Variants in PLA2G4E observed in about 807,000 individuals in gnomAD.
PLA2G4E encodes the protein phospholipase A2 group IVE, also known as cytosolic phospholipase A2 epsilon.
Under a neutral mutation model 109.1 loss-of-function variants are expected in PLA2G4E, and 84 were observed. The observed-to-expected ratio is 0.77, with a 90% CI of 0.65 to 0.92. The LOEUF is 0.92. PLA2G4E is among the 40% of genes least tolerant of loss of function. PLA2G4E has a pLI of 0.00. For missense variants in PLA2G4E, 1,057 were observed against 1,076.6 expected (o/e 0.98, Z 0.25); for synonymous variants, 469 against 436.1 (o/e 1.08, Z -0.94).
intron 1 of PLA2G4E, among the ~76,000 whole-genome samples, chr15:42,033,785 G>A (rs1049660939): frequency 2.0e-4 from 30 of 152,194 alleles, no homozygotes; most frequent in African/African-American, 6.8e-4. Context: ...GCCTGTGAAA[G>A]CAGCCCCTGG....
At chr15:41,988,405 A>G (rs1039472164) in intron 15 of PLA2G4E, among the ~76,000 whole-genome samples, 7 of 152,210 alleles carry the variant, frequency 4.6e-5, no homozygotes, top group African/African-American at 1.7e-4. Flanking sequence ...TATAAGGCAC[A>G]GCCCCGGCAG....
exon 15 of PLA2G4E, chr15:41,989,498 A>T: frequency 6.2e-7 from 1 of 1,613,918 alleles, no homozygotes; most frequent in Non-Finnish European, 8.5e-7. Flanking sequence ...CTCGGAGGGG[A>T]TGAAGGCCCC....
chr15:41,995,449 C>T, exon 12 of PLA2G4E: 1 of 1,613,974 alleles, frequency 6.2e-7, no homozygotes, highest in Non-Finnish European at 8.5e-7. Context: ...ACATGGAGGT[C>T]ATGGATCTTG....
chr15:41,989,607 C>T (rs1704352), intron 14 of PLA2G4E, 55 bp from the exon 15 acceptor site: 149,703 of 1,558,618 alleles, frequency 0.096, 8,608 homozygotes, highest in African/African-American at 0.26. Context: ...GCCGTCCACA[C>T]AGCCGGGCCC....
chr15:41,997,418 A>G (rs1365760319), intron 10 of PLA2G4E, 159 bp from the exon 11 acceptor site: 1 of 758,624 alleles, frequency 1.3e-6, no homozygotes, highest in Admixed American at 3.4e-5. Flanking sequence ...AGTGGGGCGA[A>G]TCGTGCTGAA....
chr15:42,037,939 G>C (rs1358691080), intron 1 of PLA2G4E, among the ~76,000 whole-genome samples: 1 of 152,222 alleles, frequency 6.6e-6, no homozygotes, highest in Non-Finnish European at 1.5e-5. Flanking sequence ...CAGGCTGGTA[G>C]TGTGAGCTGA....
chr15:42,002,034 G>T (rs550874751), intron 6 of PLA2G4E, among the ~76,000 whole-genome samples: 22 of 152,214 alleles, frequency 1.4e-4, no homozygotes, highest in African/African-American at 4.6e-4. Flanking sequence ...TGTAGGCCAG[G>T]CACAGTAGCT....
rs534694404 is a variant in PLA2G4E, at chr15:42,049,222, C to A, written c.183+1299G>T. ...AACCCTGGGGCGGGGCTCTTGACCC[C>A]TCTTCACATGTGACTCTGGGAAGTG... On this transcript the variant is annotated intron_variant, in intron 1 of 19. Coordinates refer to ENST00000399518, the Ensembl canonical transcript of PLA2G4E. Among the ~76,000 whole-genome samples, 41 of 152,306 alleles carry A rather than the reference C, an allele frequency of 2.7e-4. No homozygotes were observed. In the South Asian group the frequency reaches 8.5e-3, roughly 32 times the overall value.
chr15:42,000,888 A>G (rs1356069351), intron 7 of PLA2G4E, among the ~76,000 whole-genome samples: 1 of 152,176 alleles, frequency 6.6e-6, no homozygotes, highest in Non-Finnish European at 1.5e-5. Context: ...AGCACAGACA[A>G]GCGTGGATAG....
At position 42,010,142 on chromosome 15, in the gene PLA2G4E, C is replaced by CCCCCCCG. The variant is rs139522193; in HGVS notation, c.257-2278_257-2277insCGGGGGG. On this transcript the variant is annotated intron_variant, in intron 2 of 19. Coordinates refer to ENST00000399518, the Ensembl canonical transcript of PLA2G4E. ...TTTTCCAGAACACTGGCCCCCCCAC[C>CCCCCCCG]CCGGGCCTGGACCACACCCTTCAGG... 594 of 457,276 alleles carry CCCCCCCG rather than the reference C, an allele frequency of 1.3e-3. 8 individuals are homozygous for CCCCCCCG. The highest frequency in any genetic ancestry group is 2.3e-3 in the South Asian group (119 of 52,516). The allele number at this position is 457,276 out of a possible 1,614,324, so 28.3% of individuals were successfully genotyped here.
chr15:41,990,595 C>T (rs1266681601), intron 13 of PLA2G4E, among the ~76,000 whole-genome samples: 1 of 152,088 alleles, frequency 6.6e-6, no homozygotes, highest in Non-Finnish European at 1.5e-5. Context: ...AGAACTGGAG[C>T]AGCTCCATGT....
intron 18 of PLA2G4E, 102 bp downstream of exon 18, chr15:41,985,737 G>T: frequency 7.2e-7 from 1 of 1,396,000 alleles, no homozygotes; most frequent in Non-Finnish European, 9.8e-7. Flanking sequence ...GGGCTGTCTA[G>T]AGCATGCCTC....
intron 10 of PLA2G4E, chr15:41,998,729 A>T (rs552066063): frequency 3.0e-4 from 45 of 152,330 alleles, no homozygotes; most frequent in African/African-American, 1.1e-3. Flanking sequence ...CTAAAACTAA[A>T]CAAGTCTTAG....
chr15:42,040,203 C>G (rs528763393), intron 1 of PLA2G4E, among the ~76,000 whole-genome samples: 1 of 151,728 alleles, frequency 6.6e-6, no homozygotes, highest in Non-Finnish European at 1.5e-5. Flanking sequence ...CACACACACA[C>G]GCACACACAC....
intron 1 of PLA2G4E, among the ~76,000 whole-genome samples, chr15:42,045,442 G>A (rs1221994711): frequency 6.6e-6 from 1 of 152,208 alleles, no homozygotes; most frequent in Non-Finnish European, 1.5e-5. Context: ...TCCCAGGCCA[G>A]CAGCCAGCCA....
At chr15:41,988,563 A>G (rs750549694) in intron 15 of PLA2G4E, among the ~76,000 whole-genome samples, 2 of 152,228 alleles carry the variant, frequency 1.3e-5, no homozygotes, top group African/African-American at 2.4e-5. Flanking sequence ...AAATGTAGGC[A>G]TTAGACATTG....
intron 1 of PLA2G4E, among the ~76,000 whole-genome samples, chr15:42,034,183 T>C (rs1324995429): frequency 6.6e-6 from 1 of 152,222 alleles, no homozygotes; most frequent in Admixed American, 6.5e-5. Context: ...GTGCTAAAAC[T>C]GGAAAGTTCC....
intron 1 of PLA2G4E, among the ~76,000 whole-genome samples, chr15:42,014,004 G>A (rs1218048300): frequency 6.8e-6 from 1 of 146,636 alleles, no homozygotes; most frequent in East Asian, 2.0e-4. Flanking sequence ...TGATTCTCCT[G>A]CCTCAGCCTC....
intron 1 of PLA2G4E, among the ~76,000 whole-genome samples, chr15:42,016,529 G>A (rs1224754710): frequency 1.3e-5 from 2 of 151,984 alleles, no homozygotes; most frequent in Non-Finnish European, 2.9e-5. Context: ...TAGAGACGCA[G>A]TTTCACCGTG....
Sources: allele counts gnomAD v4.1 joint callset (sites outside exome capture counted in the v4.1 genomes callset), GRCh38; gene constraint gnomAD v4.1.1; transcripts MANE v1.5; gene names NCBI Gene and HGNC (gene_info 2026-07-23, HGNC 2026-07-21).